The following MCPH1 variants were observed in gnomAD, a reference collection of about 807,000 sequenced individuals.
The protein encoded by MCPH1 is microcephalin 1.
MCPH1 carries 104 observed loss-of-function variants against 84.5 expected under a neutral mutation model. The ratio of observed to expected loss-of-function variants is 1.23; its 90% CI spans 1.05 to 1.45. MCPH1 has a LOEUF of 1.45. MCPH1 is among the 40% of genes most tolerant of loss of function. MCPH1 has a pLI of 0.00. For missense variants in MCPH1, 1,498 were observed against 1,005.7 expected, an observed-to-expected ratio of 1.49 and a Z score of -6.62; for synonymous variants, 514 against 366.8, an observed-to-expected ratio of 1.40 and a Z score of -4.58.
Position 6,445,266 on chromosome 8 carries a change from A to G in MCPH1, c.1544A>G (p.Lys515Arg), listed in dbSNP as rs1304082973. The G allele has an allele frequency of 1.2e-6, 2 of 1,614,184 alleles. No homozygotes were observed. Among genetic ancestry groups the G allele is most frequent in the Admixed American group, 1.7e-5 (1 of 60,022 alleles). Residue 515 changes from lysine to arginine, a missense_variant, in exon 8 of 14, where the codon AAA becomes AGA. Physicochemically the swap from Lys to Arg is conservative, Grantham distance 26. Coordinates refer to ENST00000344683, the MANE Select transcript of MCPH1 (RefSeq NM_024596.5). ...EALRCCRQAG[K>R]EDACPEGNGF... is the part of the protein sequence containing the mutation. The stretch of plus-strand genomic sequence containing the variant: ...CTAAGGTGTTGTAGACAGGCTGGGA[A>G]AGAAGACGCATGCCCAGAGGGAAAT...
At chr8:6,434,679 C>A (rs189798225) in intron 4 of MCPH1, among the ~76,000 whole-genome samples, 381 of 152,212 alleles carry the variant, frequency 2.5e-3, no homozygotes, top group African/African-American at 7.3e-3. Flanking sequence ...GAGCAAGATC[C>A]CCAGTATAGG....
chr8:6,447,058 G>A (rs1490840580), intron 8 of MCPH1: 1 of 985,304 alleles, frequency 1.0e-6, no homozygotes, highest in Non-Finnish European at 1.2e-6. Context: ...GTGCGCTAGT[G>A]CGAGAGGATC....
intron 12 of MCPH1, among the ~76,000 whole-genome samples, chr8:6,549,930 C>A (rs937020212): frequency 1.3e-5 from 2 of 152,178 alleles, no homozygotes; most frequent in Non-Finnish European, 2.9e-5. Context: ...GACAGCAGGG[C>A]TCGAGTCTGA....
intron 1 of MCPH1, among the ~76,000 whole-genome samples, chr8:6,408,651 G>C (rs60526807): frequency 0.33 from 49,514 of 151,608 alleles, 10,325 homozygotes; most frequent in African/African-American, 0.6. Context: ...TCCCACCTCA[G>C]CTTCTCCACC....
intron 12 of MCPH1, among the ~76,000 whole-genome samples, chr8:6,524,928 C>T (rs555955165): frequency 6.6e-6 from 1 of 152,356 alleles, no homozygotes; most frequent in East Asian, 1.9e-4. Context: ...CTGCACATGG[C>T]TTCCTGTGTC....
At chr8:6,418,299 G>A (rs745705224) in intron 3 of MCPH1, among the ~76,000 whole-genome samples, 5 of 152,126 alleles carry the variant, frequency 3.3e-5, no homozygotes, top group African/African-American at 1.2e-4. Context: ...AAAAAGTGGT[G>A]ATGCCCAGAT....
intron 13 of MCPH1, chr8:6,622,150 C>G (rs1831500659): frequency 4.1e-6 from 1 of 245,072 alleles, no homozygotes; most frequent in Non-Finnish European, 8.1e-6. Context: ...TGCTCATGTG[C>G]TCAAAGGGTG....
At chr8:6,456,651 G>A (rs1209998461) in intron 9 of MCPH1, among the ~76,000 whole-genome samples, 1 of 139,526 alleles carries the variant, frequency 7.2e-6, no homozygotes. Context: ...GTTGTACCAT[G>A]TCTGGCTTTT....
At chr8:6,526,841 G>A (rs1818435604) in intron 12 of MCPH1, among the ~76,000 whole-genome samples, 1 of 152,148 alleles carries the variant, frequency 6.6e-6, no homozygotes, top group Non-Finnish European at 1.5e-5. Flanking sequence ...TGTCCCAAGT[G>A]GAACAGACAT....
intron 12 of MCPH1, chr8:6,500,847 A>G (rs1812035021): frequency 2.6e-5 from 4 of 152,192 alleles, no homozygotes; most frequent in Admixed American, 1.3e-4. Flanking sequence ...CAATGACATA[A>G]TGAGATTTGT....
intron 11 of MCPH1, among the ~76,000 whole-genome samples, chr8:6,495,306 C>G (rs544860213): frequency 6.6e-6 from 1 of 152,162 alleles, no homozygotes; most frequent in Non-Finnish European, 1.5e-5. Context: ...TGCATAATGT[C>G]TTCATGTGGC....
chr8:6,529,412 A>G (rs1377442347), intron 12 of MCPH1, among the ~76,000 whole-genome samples: 2 of 151,432 alleles, frequency 1.3e-5, no homozygotes, highest in African/African-American at 4.9e-5. Context: ...TGGGTACATA[A>G]TTCAGTTTCT....
At chr8:6,540,744 G>C (rs897005392) in intron 12 of MCPH1, among the ~76,000 whole-genome samples, 3 of 152,284 alleles carry the variant, frequency 2.0e-5, no homozygotes, top group Non-Finnish European at 1.5e-5. Context: ...AGCAGAGCCT[G>C]AGACAAAGGC....
chr8:6,586,884 A>G (rs1828027740), intron 12 of MCPH1, among the ~76,000 whole-genome samples: 1 of 152,160 alleles, frequency 6.6e-6, no homozygotes, highest in Non-Finnish European at 1.5e-5. Context: ...CGTAATGTAG[A>G]CATCCTGACT....
chr8:6,624,415 C>G (rs186205647), intron 13 of MCPH1, among the ~76,000 whole-genome samples: 3 of 150,796 alleles, frequency 2.0e-5, no homozygotes, highest in African/African-American at 7.3e-5. Flanking sequence ...GCGTCTCCAG[C>G]GTAGTGGGCG....
At chr8:6,464,789 G>C (rs939035904) in intron 9 of MCPH1, among the ~76,000 whole-genome samples, 5 of 152,322 alleles carry the variant, frequency 3.3e-5, no homozygotes, top group Admixed American at 2.6e-4. Context: ...CCTGAGGTCA[G>C]GAGTTTGAGA....
chr8:6,587,539 C>G (rs549588793), intron 12 of MCPH1, among the ~76,000 whole-genome samples: 2 of 152,138 alleles, frequency 1.3e-5, no homozygotes, highest in African/African-American at 4.8e-5. Flanking sequence ...TGAATTCTTT[C>G]CAGTTTTCAC....
rs751729134 is a variant in MCPH1 at position 6,466,129 on chromosome 8, A to ATTTTTTTTTTTTT, written c.1935+10888_1935+10900dup. Among the ~76,000 whole-genome samples, 2 of 19,786 alleles carry ATTTTTTTTTTTTT rather than the reference A, an allele frequency of 1.0e-4. 1 individual carries two copies. 13.0% of individuals were successfully genotyped at this position (19,786 alleles called of 152,430 possible). A position where few individuals can be genotyped will look rare whatever the true frequency, so the allele number is the denominator to read the frequency against. On this transcript the variant is annotated intron_variant, in intron 9 of 13. Coordinates refer to ENST00000344683, the MANE Select transcript of MCPH1 (RefSeq NM_024596.5). ...GCCACTACACCTGGCTAATTTTTGG[A>ATTTTTTTTTTTTT]TTTTTTTTTTTTTTTTTTTTTTTCC...
intron 13 of MCPH1, among the ~76,000 whole-genome samples, chr8:6,634,584 A>G (rs560749601): frequency 6.6e-6 from 1 of 152,360 alleles, no homozygotes; most frequent in East Asian, 1.9e-4. Flanking sequence ...TTCAAAGAGT[A>G]AATTTCTTAC....
Sources: allele counts gnomAD v4.1 joint callset (sites outside exome capture counted in the v4.1 genomes callset), GRCh38; gene constraint gnomAD v4.1.1; transcripts MANE v1.5; gene names NCBI Gene and HGNC (gene_info 2026-07-23, HGNC 2026-07-21).